ARID2: variants seen among roughly 807,000 people sequenced by gnomAD.
The protein encoded by ARID2 is AT-rich interactive domain-containing protein 2.
ARID2 carries 32 observed loss-of-function variants against 184.6 expected under a neutral mutation model. The ratio of observed to expected loss-of-function variants is 0.17; its 90% confidence interval spans 0.13 to 0.23. The LOEUF (loss-of-function observed/expected upper bound fraction) is 0.23, where lower values mean the gene tolerates loss of function less well. Ranked by LOEUF, ARID2 falls within the 10% of genes least tolerant of loss-of-function variation. The pLI is 1.00. For synonymous variants in ARID2, 836 were observed against 772.6 expected, an observed-to-expected ratio of 1.08 and a Z score of -1.36; for missense variants, 1,696 against 2,197.6, an observed-to-expected ratio of 0.77 and a Z score of 4.56.
chr12:45,831,611 T>C (rs1943124338), intron 6 of ARID2, among the ~76,000 whole-genome samples: 1 of 152,216 alleles, frequency 6.6e-6, no homozygotes, highest in South Asian at 2.1e-4. Context: ...CTAAATCTTA[T>C]TCATTCTGTC....
At position 45,848,852 on chromosome 12, in the gene ARID2, G is replaced by C. The variant is rs2138154029; in HGVS notation, c.1597G>C (p.Glu533Gln). The change falls in exon 13 of 21, where the codon GAA becomes CAA. Residue 533 changes from glutamate to glutamine, a missense_variant. Glu to Gln is a conservative substitution (Grantham distance 29, BLOSUM62 2). This residue lies in a region of ARID2 where 713 missense variants were observed against 824.4 expected (regional missense o/e 0.86). Coordinates refer to ENST00000334344, the MANE Select transcript of ARID2 (RefSeq NM_152641.4). Reference sequence around the variant, plus strand: ...CTCTTTTAGGCTAAATGCTCATTTTGAAGTAAATCCAGATTGTTCTGTTTC... The same window carrying C: ...CTCTTTTAGGCTAAATGCTCATTTTCAAGTAAATCCAGATTGTTCTGTTTC... ...FACQWLNAHF[E>Q]VNPDCSVSRA... The C allele has an allele frequency of 6.2e-7, 1 of 1,610,964 alleles. No individual in the cohort carries two copies. The highest frequency in any genetic ancestry group is 1.3e-5 in the African/African-American group (1 of 74,906).
At chr12:45,746,923 T>C (rs1228741163) in intron 3 of ARID2, among the ~76,000 whole-genome samples, 2 of 152,118 alleles carry the variant, frequency 1.3e-5, no homozygotes, top group Non-Finnish European at 2.9e-5. Context: ...CTCGCCACCA[T>C]GCCCAGCTAA....
At chr12:45,769,849 T>C (rs1448622139) in intron 3 of ARID2, among the ~76,000 whole-genome samples, 1 of 152,032 alleles carries the variant, frequency 6.6e-6, no homozygotes, top group Non-Finnish European at 1.5e-5. Context: ...TGCCTTCTTA[T>C]CAGAAAGAAT....
At chr12:45,886,085 A>C (rs1399326950) in intron 16 of ARID2, among the ~76,000 whole-genome samples, 2 of 152,124 alleles carry the variant, frequency 1.3e-5, no homozygotes, top group African/African-American at 2.4e-5. Flanking sequence ...TGAGACAAGG[A>C]AAGTCCCTTC....
chr12:45,834,509 G>A (rs1435779276), intron 6 of ARID2, among the ~76,000 whole-genome samples: 3 of 152,178 alleles, frequency 2.0e-5, no homozygotes, highest in African/African-American at 4.8e-5. Context: ...TTGGGAGGCC[G>A]AGATGGGCGG....
intron 3 of ARID2, among the ~76,000 whole-genome samples, chr12:45,743,236 G>A (rs780195744): frequency 2.6e-5 from 4 of 151,974 alleles, no homozygotes; most frequent in Non-Finnish European, 4.4e-5. Context: ...AGGTGCTGTG[G>A]TGGGTGCCTG....
At chr12:45,873,568 A>T (rs891212715) in intron 16 of ARID2, among the ~76,000 whole-genome samples, 1 of 152,142 alleles carries the variant, frequency 6.6e-6, no homozygotes. Flanking sequence ...ACTTTCAAAC[A>T]ATAGTACAGG....
At chr12:45,730,013 T>C (rs2137959348) in intron 1 of ARID2, 31 bp from the exon 2 acceptor site, 1 of 1,610,998 alleles carries the variant, frequency 6.2e-7, no homozygotes, top group African/African-American at 1.3e-5. Flanking sequence ...GGGTCCCGGC[T>C]GACAAGTGCG....
At chr12:45,892,513 C>A (rs778308350) in intron 18 of ARID2, among the ~76,000 whole-genome samples, 1 of 151,950 alleles carries the variant, frequency 6.6e-6, no homozygotes, top group Non-Finnish European at 1.5e-5. Context: ...TATAAACATA[C>A]ACTAGTTTAC....
rs1387401428 is a variant in ARID2 at position 45,850,053 on chromosome 12, C to G, written c.1930C>G (p.Gln644Glu). The G allele has an allele frequency of 6.2e-7, 1 of 1,611,498 alleles. No individual in the cohort carries two copies. The highest frequency in any genetic ancestry group is 2.2e-5 in the East Asian group (1 of 44,850). Residue 644 changes from glutamine (Q) to glutamate (E), a missense_variant, in exon 15 of 21, where the codon CAA (glutamine) becomes GAA (glutamate). Transcript: ENST00000334344. ...PSPAGIPHGSQTIGNHFQRTP... is the reference protein window; with the variant it reads ...PSPAGIPHGSETIGNHFQRTP... ...ATTTTCAGGAATCCCTCATGGATCA[C>G]AAACCATAGGAAACCATTTTCAGAG...
intron 16 of ARID2, among the ~76,000 whole-genome samples, chr12:45,889,711 G>A (rs529008169): frequency 9.8e-5 from 15 of 152,324 alleles, no homozygotes; most frequent in Admixed American, 4.6e-4. Context: ...AGGCCGAGGC[G>A]GGTGGATCAC....
intron 16 of ARID2, among the ~76,000 whole-genome samples, chr12:45,876,551 CAAAAAAAGA>C (rs1299439935): frequency 1.7e-5 from 2 of 117,620 alleles, no homozygotes; most frequent in East Asian, 5.1e-4. Flanking sequence ...AACTCCATCT[CAAAAAAAGA>C]AAAAAAAGGA....
chr12:45,763,991 G>A (rs1046028058), intron 3 of ARID2, among the ~76,000 whole-genome samples: 6 of 152,050 alleles, frequency 3.9e-5, no homozygotes, highest in East Asian at 1.9e-4. Flanking sequence ...GTGCTTGTAT[G>A]TTTTATATTC....
chr12:45,903,719 C>T (rs1463461111), intron 20 of ARID2, among the ~76,000 whole-genome samples: 1 of 152,062 alleles, frequency 6.6e-6, no homozygotes. Flanking sequence ...TTTCCATAAA[C>T]TTCTTTTCTA....
chr12:45,772,178 A>T (rs1223756287), intron 3 of ARID2, among the ~76,000 whole-genome samples: 3 of 152,242 alleles, frequency 2.0e-5, no homozygotes, highest in Non-Finnish European at 2.9e-5. Context: ...AAAGCAATAA[A>T]GAAGGAGGAA....
At chr12:45,795,630 G>C (rs1036573992) in intron 3 of ARID2, among the ~76,000 whole-genome samples, 7 of 151,968 alleles carry the variant, frequency 4.6e-5, no homozygotes, top group African/African-American at 1.7e-4. Flanking sequence ...TAGAGACGGG[G>C]TTTCACTGTG....
Position 45,750,045 on chromosome 12 carries a change from T to C in ARID2, c.284+18731T>C, listed in dbSNP as rs142620588. Among the ~76,000 whole-genome samples the C allele has an allele frequency of 1.6e-4, 25 of 152,342 alleles. No homozygotes were observed. The East Asian group carries it at 4.4e-3, about 27-fold the overall frequency. On this transcript the variant is annotated intron_variant, in intron 3 of 20. Coordinates refer to ENST00000334344, the MANE Select transcript of ARID2 (RefSeq NM_152641.4). ...TACATTCACAACATAGCTAAATGTT[T>C]AGTGCAAGAGGTCTAGCTTTTGGCA...
chr12:45,873,377 A>C (rs1300225953), intron 16 of ARID2, among the ~76,000 whole-genome samples: 1 of 152,180 alleles, frequency 6.6e-6, no homozygotes, highest in Non-Finnish European at 1.5e-5. Context: ...TAGCTATCAT[A>C]TTTGTAAATG....
intron 3 of ARID2, among the ~76,000 whole-genome samples, chr12:45,757,776 C>G (rs1429404572): frequency 6.6e-6 from 1 of 151,912 alleles, no homozygotes; most frequent in African/African-American, 2.4e-5. Context: ...GATTAGATTT[C>G]AACACTTCAG....
Sources: gnomAD v4.1 joint callset for allele counts (sites outside exome capture counted in the v4.1 genomes callset) on GRCh38, gnomAD v4.1.1 for gene constraint, gnomAD v4.1.1 regional missense constraint, MANE v1.5 for transcripts, NCBI Gene and HGNC (gene_info 2026-07-23, HGNC 2026-07-21) for gene names.